Variants in SBF2 observed in about 807,000 individuals in gnomAD.
SBF2 encodes myotubularin-related protein 13.
In SBF2, 112 loss-of-function variants were observed where a neutral mutation model predicts 225.2. That is an observed-to-expected ratio of 0.50 (90% CI 0.43 to 0.58). The LOEUF is 0.58. Ranked by LOEUF, SBF2 falls within the 20% of genes least tolerant of loss-of-function variation. The pLI, the probability that SBF2 is intolerant of heterozygous loss-of-function variation, is 0.00. For synonymous variants in SBF2, 763 were observed against 773.3 expected (o/e 0.99, Z 0.22); for missense variants, 1,996 against 2,206.2 (o/e 0.90, Z 1.91).
intron 6 of SBF2, among the ~76,000 whole-genome samples, chr11:10,015,982 G>A (rs1407355103): frequency 1.3e-5 from 2 of 151,974 alleles, no homozygotes; most frequent in African/African-American, 4.8e-5. Flanking sequence ...CCACCTTGTT[G>A]TCCAGGCTGG....
chr11:9,790,470 G>T, intron 34 of SBF2, 86 bp downstream of exon 34: 2 of 1,198,234 alleles, frequency 1.7e-6, no homozygotes, highest in Non-Finnish European at 2.4e-6. Flanking sequence ...TTTATAAAAA[G>T]CTTAAACTGC....
intron 1 of SBF2, among the ~76,000 whole-genome samples, chr11:10,242,864 T>C (rs1212755217): frequency 1.8e-4 from 27 of 151,984 alleles, no homozygotes; most frequent in Non-Finnish European, 3.5e-4. Flanking sequence ...GCAGGAGAAA[T>C]AGATAGCAAT....
rs574705451 is a variant in SBF2 at position 9,967,427 on chromosome 11, T to C, written c.1600+914A>G. 5.3e-5 allele frequency among the ~76,000 whole-genome samples: 8 copies of C among 150,822 alleles called. No individual in the cohort carries two copies. The South Asian group carries it at 1.5e-3, about 28-fold the overall frequency. ...ATACATGCTACAACATAGACGTACA[T>C]TGGAAATATTATGCTAAATGAAAGA... On this transcript the variant is annotated intron_variant, in intron 14 of 39. Coordinates refer to ENST00000256190, the MANE Select transcript of SBF2 (RefSeq NM_030962.4).
chr11:10,211,014 C>CAGAAAAAAAA (rs1957924208), intron 1 of SBF2, among the ~76,000 whole-genome samples: 1 of 33,054 alleles, frequency 3.0e-5, no homozygotes, highest in African/African-American at 8.1e-5. Flanking sequence ...ACTCTTGACT[C>CAGAAAAAAAA]AAAAAAAAAA....
chr11:10,286,354 T>G (rs1963783611), intron 1 of SBF2, among the ~76,000 whole-genome samples: 1 of 151,458 alleles, frequency 6.6e-6, no homozygotes. Context: ...TTCTTTGGTT[T>G]TTTTTTTTTT....
chr11:10,194,042 C>T, intron 1 of SBF2, 55 bp from the exon 2 acceptor site: 1 of 1,048,574 alleles, frequency 9.5e-7, no homozygotes, highest in South Asian at 1.3e-5. Flanking sequence ...ACTACAAATA[C>T]TCATTCTACT....
At chr11:9,959,652 G>A in intron 16 of SBF2, 1 of 750,000 alleles carries the variant, frequency 1.3e-6, no homozygotes, top group Non-Finnish European at 2.5e-6. Context: ...CACACGCTTG[G>A]GTTCACTTGC....
At chr11:10,027,787 T>C (rs1157808503) in intron 6 of SBF2, among the ~76,000 whole-genome samples, 1 of 152,174 alleles carries the variant, frequency 6.6e-6, no homozygotes, top group Non-Finnish European at 1.5e-5. Context: ...TCCTAACCAT[T>C]GCCGAAAAAT....
chr11:10,075,445 T>C (rs1644571362), intron 2 of SBF2, among the ~76,000 whole-genome samples: 1 of 152,236 alleles, frequency 6.6e-6, no homozygotes, highest in East Asian at 1.9e-4. Flanking sequence ...TTTGGTTCTG[T>C]GTCCCCACCC....
At chr11:9,797,923 C>G (rs1052321856) in intron 32 of SBF2, among the ~76,000 whole-genome samples, 3 of 152,100 alleles carry the variant, frequency 2.0e-5, no homozygotes, top group Non-Finnish European at 4.4e-5. Flanking sequence ...AGTGGAGCCA[C>G]AATTGTGCCA....
At chr11:9,805,732 C>G (rs1290135786) in intron 32 of SBF2, among the ~76,000 whole-genome samples, 3 of 152,158 alleles carry the variant, frequency 2.0e-5, no homozygotes, top group Non-Finnish European at 4.4e-5. Context: ...AAGCGATTCT[C>G]CTGCTTCAGC....
chr11:9,840,527 T>C (rs1856058487), intron 25 of SBF2, among the ~76,000 whole-genome samples: 1 of 152,236 alleles, frequency 6.6e-6, no homozygotes, highest in Non-Finnish European at 1.5e-5. Context: ...TTCTGTTTCA[T>C]GAAGGCTTGC....
chr11:10,278,741 C>T (rs1963167673), intron 1 of SBF2, among the ~76,000 whole-genome samples: 1 of 150,870 alleles, frequency 6.6e-6, no homozygotes, highest in African/African-American at 2.4e-5. Flanking sequence ...TGAGACCGAG[C>T]CCCATTGCAC....
intron 2 of SBF2, among the ~76,000 whole-genome samples, chr11:10,043,637 T>C (rs999666061): frequency 6.6e-6 from 1 of 152,144 alleles, no homozygotes; most frequent in Non-Finnish European, 1.5e-5. Context: ...TGCAGTGGCA[T>C]GATCACAGCT....
intron 2 of SBF2, among the ~76,000 whole-genome samples, chr11:10,169,068 A>T (rs1291121784): frequency 2.6e-5 from 4 of 152,192 alleles, no homozygotes; most frequent in Admixed American, 6.5e-5. Context: ...TTTTATGGGT[A>T]CACAGGTATA....
chr11:10,002,579 A>C lies in SBF2; in HGVS notation c.730T>G (p.Leu244Val). 6.2e-7 allele frequency: 1 copy of C among 1,612,560 alleles called. No homozygotes were observed. The highest frequency in any genetic ancestry group is 8.5e-7 in the Non-Finnish European group (1 of 1,178,682). Residue 244 changes from leucine to valine, a missense_variant, in exon 7 of 40, where the codon TTA (leucine) becomes GTA (valine). Transcript: ENST00000256190. ...LSDACRALES[L>V]MFPLKYSYPY... ...CACCTATATTTAAGAGGAAACATTA[A>C]AGATTCCAGGGCTCTACAAGCATCA... is the stretch of plus-strand genomic sequence containing the variant.
At chr11:10,174,531 C>A (rs59076108) in intron 2 of SBF2, among the ~76,000 whole-genome samples, 1,619 of 152,254 alleles carry the variant, frequency 0.011, 34 homozygotes, top group African/African-American at 0.037. Context: ...AAATCTACGT[C>A]TGACTGGTGT....
At chr11:10,049,696 A>T (rs973561890) in intron 2 of SBF2, among the ~76,000 whole-genome samples, 4 of 152,210 alleles carry the variant, frequency 2.6e-5, no homozygotes, top group African/African-American at 7.2e-5. Context: ...AATTTGTGAC[A>T]GTATAAAGGG....
intron 2 of SBF2, among the ~76,000 whole-genome samples, chr11:10,183,842 G>A (rs1167968027): frequency 1.3e-5 from 2 of 152,220 alleles, no homozygotes; most frequent in Non-Finnish European, 2.9e-5. Context: ...TGGGAAGGAT[G>A]TGGGGAGGGA....
Sources: gnomAD v4.1 joint callset for allele counts (sites outside exome capture counted in the v4.1 genomes callset) on GRCh38, gnomAD v4.1.1 for gene constraint, MANE v1.5 for transcripts, NCBI Gene and HGNC (gene_info 2026-07-23, HGNC 2026-07-21) for gene names.